Variants in FRMD3 observed in about 807,000 individuals in gnomAD.
FRMD3 encodes the protein FERM domain-containing protein 3.
A neutral mutation model predicts 70.2 loss-of-function variants in FRMD3; 33 were observed. The observed-to-expected ratio is 0.47, with a 90% CI of 0.36 to 0.63. The LOEUF is 0.63. Among genes scored for constraint, FRMD3 ranks in the 20% least tolerant of loss-of-function variants. The pLI, the probability that FRMD3 is intolerant of heterozygous loss-of-function variation, is 0.00. For synonymous variants in FRMD3, 279 were observed against 255.9 expected (o/e 1.09, Z -0.86); for missense variants, 632 against 711.4 (o/e 0.89, Z 1.27).
chr9:83,547,059 T>C, the FRMD3 span, among the ~76,000 whole-genome samples: 8 of 151,610 alleles, frequency 5.3e-5, no homozygotes, highest in Non-Finnish European at 1.0e-4. Flanking sequence ...CAGACTGGGA[T>C]AGCTATACTT....
rs1432678493 is a variant in FRMD3, at chr9:83,537,143, T to C, written c.147+942A>G. Reference sequence around the variant, plus strand: ...GAGGGGCTCCCACCTGCCTACATATTCACCCACAGCAAATATGCACACGCA... The same window carrying C: ...GAGGGGCTCCCACCTGCCTACATATCCACCCACAGCAAATATGCACACGCA... On this transcript the variant is annotated intron_variant, in intron 1 of 13. Coordinates refer to ENST00000304195, the MANE Select transcript of FRMD3 (RefSeq NM_174938.6). The surrounding 1 kb of genome is among the most constrained non-coding windows in gnomAD (Gnocchi z 4.1). Among the ~76,000 whole-genome samples the C allele has an allele frequency of 6.6e-6, 1 of 151,898 alleles. No homozygotes were observed. The highest frequency in any genetic ancestry group is 2.4e-5 in the African/African-American group (1 of 41,338).
chr9:83,289,257 G>A (rs1834325756), intron 13 of FRMD3, among the ~76,000 whole-genome samples: 1 of 152,186 alleles, frequency 6.6e-6, no homozygotes, highest in Non-Finnish European at 1.5e-5. Context: ...GAGGCCCTTA[G>A]GCTAAGGAAA....
intron 1 of FRMD3, among the ~76,000 whole-genome samples, chr9:83,412,802 C>T (rs1317965309): frequency 6.6e-6 from 1 of 152,074 alleles, no homozygotes; most frequent in African/African-American, 2.4e-5. Context: ...CGAGACCAGT[C>T]TGGCCAACAT....
intron 1 of FRMD3, among the ~76,000 whole-genome samples, chr9:83,509,230 A>C (rs575538199): frequency 1.3e-5 from 2 of 152,342 alleles, no homozygotes; most frequent in East Asian, 3.9e-4. Flanking sequence ...TGAGCACAGC[A>C]AACTCAGATG....
Position 83,270,748 on chromosome 9 carries a change from G to T in FRMD3, c.1195+19855C>A, listed in dbSNP as rs982966114. On this transcript the variant is annotated intron_variant, in intron 13 of 13. Transcript: ENST00000304195. Reference sequence around the variant, plus strand: ...TGTACCTCCAAGGGGTGGTTGTGAGGATTAATCAAGTTAATACACATGGCA... The same window carrying T: ...TGTACCTCCAAGGGGTGGTTGTGAGTATTAATCAAGTTAATACACATGGCA... Among the ~76,000 whole-genome samples the T allele has an allele frequency of 2.3e-4, 35 of 152,088 alleles. 1 individual carries two copies. Among genetic ancestry groups the T allele is most frequent in the African/African-American group, 8.2e-4 (34 of 41,398 alleles).
the FRMD3 span, among the ~76,000 whole-genome samples, chr9:83,562,895 C>T: frequency 4.6e-4 from 70 of 151,588 alleles, no homozygotes; most frequent in Non-Finnish European, 7.4e-4. Context: ...GCCAATGCCC[C>T]CCCCCCAGCA....
intron 1 of FRMD3, among the ~76,000 whole-genome samples, chr9:83,407,873 CA>C (rs376665380): frequency 0.1 from 8,826 of 87,308 alleles, 347 homozygotes; most frequent in East Asian, 0.18. Context: ...CTCTCTCTCT[CA>C]TCTTTCTCTC....
At chr9:83,472,138 G>A (rs748557467) in intron 1 of FRMD3, among the ~76,000 whole-genome samples, 13 of 152,186 alleles carry the variant, frequency 8.5e-5, no homozygotes, top group African/African-American at 1.7e-4. Flanking sequence ...AGAACTCACC[G>A]CTCAGATTTT....
At chr9:83,447,783 G>A (rs893972531) in intron 1 of FRMD3, among the ~76,000 whole-genome samples, 1 of 152,140 alleles carries the variant, frequency 6.6e-6, no homozygotes, top group African/African-American at 2.4e-5. Context: ...ACAGAAGTCA[G>A]GATGTCAAAT....
In FRMD3 at chr9:83,456,775, T is replaced by A. The variant is rs112410901; in HGVS notation, c.148-67067A>T. ...TGGGCAGATAGCCTGAGCTCAGAAG[T>A]TTGAGACCAACCTGGGCAAAATGGC... On this transcript the variant is annotated intron_variant, in intron 1 of 13. Coordinates refer to ENST00000304195, the MANE Select transcript of FRMD3 (RefSeq NM_174938.6). 7.0e-3 allele frequency among the ~76,000 whole-genome samples: 1,069 copies of A among 152,094 alleles called. 12 individuals are homozygous for A. The highest frequency in any genetic ancestry group is 0.024 in the African/African-American group (1,006 of 41,496).
intron 3 of FRMD3, among the ~76,000 whole-genome samples, chr9:83,354,373 C>G (rs1824267416): frequency 6.6e-6 from 1 of 152,126 alleles, no homozygotes; most frequent in Non-Finnish European, 1.5e-5. Context: ...TAGCTGGAAG[C>G]CATTATCCTA....
intron 7 of FRMD3, 130 bp downstream of exon 7, chr9:83,313,530 C>T: frequency 1.4e-6 from 1 of 704,122 alleles, no homozygotes; most frequent in East Asian, 2.5e-5. Flanking sequence ...CACTGTTGTC[C>T]CTTCCAATGA....
chr9:83,416,662 A>C (rs11140072), intron 1 of FRMD3, among the ~76,000 whole-genome samples: 14,067 of 151,892 alleles, frequency 0.093, 788 homozygotes, highest in South Asian at 0.2. Context: ...TAAGTCTGCC[A>C]TCCTCTCTAA....
the FRMD3 span, among the ~76,000 whole-genome samples, chr9:83,576,772 T>C: frequency 6.6e-6 from 1 of 151,878 alleles, no homozygotes; most frequent in African/African-American, 2.4e-5. Context: ...AAGAAAAAAA[T>C]AATAAAGGGC....
the FRMD3 span, among the ~76,000 whole-genome samples, chr9:83,585,677 T>C: frequency 2.6e-5 from 4 of 152,250 alleles, no homozygotes; most frequent in Non-Finnish European, 5.9e-5. Flanking sequence ...CCTATGATTA[T>C]GTGCAACTAC....
intron 1 of FRMD3, among the ~76,000 whole-genome samples, chr9:83,485,349 C>A (rs867586473): frequency 6.6e-6 from 1 of 152,214 alleles, no homozygotes; most frequent in South Asian, 2.1e-4. Flanking sequence ...TCAGCAAGCA[C>A]ATGACTGATT....
chr9:83,498,412 G>T (rs1828989856), intron 1 of FRMD3, among the ~76,000 whole-genome samples: 1 of 152,108 alleles, frequency 6.6e-6, no homozygotes, highest in Non-Finnish European at 1.5e-5. Context: ...TAGGCCAAAG[G>T]TTTATCCACT....
chr9:83,348,497 G>T (rs943120519), intron 4 of FRMD3, among the ~76,000 whole-genome samples: 3 of 152,030 alleles, frequency 2.0e-5, no homozygotes, highest in African/African-American at 7.2e-5. Context: ...ACTTCTATGG[G>T]GTACATGGTT....
At chr9:83,301,525 T>TAAAAA (rs201599383) in intron 10 of FRMD3, among the ~76,000 whole-genome samples, 1 of 141,810 alleles carries the variant, frequency 7.1e-6, no homozygotes. Flanking sequence ...GTGGTTGGCT[T>TAAAAA]AAAAAAAAAA....
Sources: allele counts gnomAD v4.1 joint callset (sites outside exome capture counted in the v4.1 genomes callset), GRCh38; gene constraint gnomAD v4.1.1; non-coding constraint Gnocchi (gnomAD v3.1); transcripts MANE v1.5; gene names NCBI Gene and HGNC (gene_info 2026-07-23, HGNC 2026-07-21).